The following ACBD6 variants were observed in gnomAD, a reference collection of about 807,000 sequenced individuals.
ACBD6 encodes the protein acyl-CoA-binding domain-containing protein 6.
A neutral mutation model predicts 37.2 loss-of-function variants in ACBD6; 28 were observed. The ratio of observed to expected loss-of-function variants is 0.75; its 90% CI spans 0.56 to 1.03. The LOEUF (loss-of-function observed/expected upper bound fraction) is 1.03. Among genes scored for constraint, ACBD6 ranks in the 50% least tolerant of loss-of-function variants. The probability of loss-of-function intolerance (pLI) is 0.00; values close to 1 mark genes in which losing one functional copy is unlikely to be tolerated. For synonymous variants in ACBD6, 113 were observed against 126.8 expected, an observed-to-expected ratio of 0.89 and a Z score of 0.73; for missense variants, 340 against 337.4, an observed-to-expected ratio of 1.01 and a Z score of -0.06.
intron 9 of ACBD6, chr1:180,275,739 G>C (rs1648987699): frequency 6.6e-6 from 1 of 152,174 alleles, no homozygotes; most frequent in South Asian, 2.1e-4. Flanking sequence ...TTGTCCAAAG[G>C]GTTCTAAGTG....
chr1:180,443,452 T>TG (rs981886161), intron 3 of ACBD6, among the ~76,000 whole-genome samples: 4 of 152,178 alleles, frequency 2.6e-5, no homozygotes, highest in Admixed American at 6.5e-5. Flanking sequence ...TGCAGACCTC[T>TG]GGAACTGTCA....
intron 3 of ACBD6, among the ~76,000 whole-genome samples, chr1:180,480,417 TAAGAA>T (rs1366905623): frequency 6.6e-6 from 1 of 152,138 alleles, no homozygotes; most frequent in Non-Finnish European, 1.5e-5. Flanking sequence ...GAAAAAGCAG[TAAGAA>T]AAGATTCAGG....
exon 14 of ACBD6, chr1:180,270,902 A>T: frequency 8.4e-6 from 2 of 239,440 alleles, no homozygotes; most frequent in South Asian, 5.4e-5. Flanking sequence ...GAGCCCAGCG[A>T]CGCCAGGGCA....
intron 3 of ACBD6, among the ~76,000 whole-genome samples, chr1:180,436,341 G>A (rs1344126983): frequency 6.6e-6 from 1 of 152,138 alleles, no homozygotes; most frequent in Non-Finnish European, 1.5e-5. Flanking sequence ...CTACTTGATG[G>A]TGTGTACAAA....
intron 4 of ACBD6, among the ~76,000 whole-genome samples, chr1:180,419,809 G>A (rs1157079309): frequency 1.3e-5 from 2 of 152,208 alleles, no homozygotes; most frequent in East Asian, 3.8e-4. Flanking sequence ...TGTCTTCACA[G>A]GCTGAAGAGG....
At chr1:180,496,799 A>G (rs1265006230) in intron 1 of ACBD6, among the ~76,000 whole-genome samples, 1 of 152,180 alleles carries the variant, frequency 6.6e-6, no homozygotes, top group East Asian at 1.9e-4. Context: ...GGTGAAAAAG[A>G]AGGAGCCACA....
At chr1:180,443,481 T>G (rs1271951108) in intron 3 of ACBD6, among the ~76,000 whole-genome samples, 2 of 152,182 alleles carry the variant, frequency 1.3e-5, no homozygotes. Context: ...TCATCCTCTC[T>G]GGTATTCAGC....
intron 5 of ACBD6, among the ~76,000 whole-genome samples, chr1:180,405,531 G>C (rs1056893650): frequency 1.3e-5 from 2 of 152,116 alleles, no homozygotes; most frequent in Non-Finnish European, 2.9e-5. Context: ...TGCTTTTGGG[G>C]GGACTGATGA....
At chr1:180,462,666 G>T (rs1346288973) in intron 3 of ACBD6, among the ~76,000 whole-genome samples, 1 of 152,174 alleles carries the variant, frequency 6.6e-6, no homozygotes, top group African/African-American at 2.4e-5. Flanking sequence ...ATATTAGATA[G>T]ATCACTGAGA....
chr1:180,330,438 AAAC>A (rs1651434614), intron 6 of ACBD6, among the ~76,000 whole-genome samples: 1 of 151,968 alleles, frequency 6.6e-6, no homozygotes. Flanking sequence ...ACAAACAAAC[AAAC>A]AAACAAAAAA....
At chr1:180,412,271 A>C (rs1289773558) in intron 5 of ACBD6, among the ~76,000 whole-genome samples, 1 of 152,162 alleles carries the variant, frequency 6.6e-6, no homozygotes, top group Non-Finnish European at 1.5e-5. Flanking sequence ...ACCATTGACA[A>C]TATTATCACA....
At position 180,318,169 on chromosome 1, in the gene ACBD6, C is replaced by CG. The variant is rs71822070; in HGVS notation, c.664-3448_664-3447insC. On this transcript the variant is annotated intron_variant, in intron 6 of 7. Coordinates refer to ENST00000367595, the MANE Select transcript of ACBD6 (RefSeq NM_032360.4). Reference sequence around the variant, plus strand: ...AGAGTAAGATTCCATCTCCGCCCCCCCCCCCCAAAAAAAAAAGAAAGAAAG... The same window carrying CG: ...AGAGTAAGATTCCATCTCCGCCCCCCGCCCCCCAAAAAAAAAAGAAAGAAAG... 1.3e-4 allele frequency among the ~76,000 whole-genome samples: 13 copies of CG among 103,940 alleles called. 1 individual carries two copies. The highest frequency in any genetic ancestry group is 1.7e-4 in the Non-Finnish European group (8 of 46,464). 68.2% of individuals were successfully genotyped at this position (103,940 alleles called of 152,430 possible).
intron 6 of ACBD6, among the ~76,000 whole-genome samples, chr1:180,376,233 T>C (rs1653425637): frequency 6.6e-6 from 1 of 152,182 alleles, no homozygotes. Flanking sequence ...GTAGTGGGAA[T>C]ATAAATTAGT....
intron 2 of ACBD6, among the ~76,000 whole-genome samples, chr1:180,492,584 C>G (rs1456850780): frequency 6.6e-6 from 1 of 152,020 alleles, no homozygotes; most frequent in Admixed American, 6.6e-5. Flanking sequence ...ATTTTTTTTC[C>G]TAATCGTCCT....
chr1:180,375,933 T>C (rs1212895841), intron 6 of ACBD6, among the ~76,000 whole-genome samples: 1 of 152,002 alleles, frequency 6.6e-6, no homozygotes, highest in Non-Finnish European at 1.5e-5. Flanking sequence ...CTACAACATA[T>C]ACCACAAAGG....
chr1:180,341,402 C>T (rs1651983063), intron 6 of ACBD6, among the ~76,000 whole-genome samples: 1 of 151,948 alleles, frequency 6.6e-6, no homozygotes, highest in African/African-American at 2.4e-5. Context: ...TGTATCTCTA[C>T]CTACAGGAAA....
chr1:180,367,012 C>T (rs1433301298), intron 6 of ACBD6, among the ~76,000 whole-genome samples: 1 of 152,198 alleles, frequency 6.6e-6, no homozygotes, highest in Non-Finnish European at 1.5e-5. Context: ...CCTCTCTGAG[C>T]TTTAGTTTCC....
chr1:180,358,156 C>T (rs775759536), intron 6 of ACBD6, among the ~76,000 whole-genome samples: 3 of 152,156 alleles, frequency 2.0e-5, no homozygotes, highest in South Asian at 4.1e-4. Flanking sequence ...GGGCCGAGTG[C>T]GGTGGCTCAC....
At chr1:180,385,079 T>C (rs1200633249) in intron 6 of ACBD6, among the ~76,000 whole-genome samples, 1 of 152,006 alleles carries the variant, frequency 6.6e-6, no homozygotes, top group Non-Finnish European at 1.5e-5. Flanking sequence ...GGTATAATGT[T>C]TCATAGCAGA....
Sources: allele counts gnomAD v4.1 joint callset (sites outside exome capture counted in the v4.1 genomes callset), GRCh38; gene constraint gnomAD v4.1.1; transcripts MANE v1.5; gene names NCBI Gene and HGNC (gene_info 2026-07-23, HGNC 2026-07-21).